The following EXOSC4 variants were observed in gnomAD, a reference collection of about 807,000 sequenced individuals.
EXOSC4 encodes exosome component 4.
EXOSC4 carries 14 observed loss-of-function variants against 20.0 expected under a neutral mutation model. That is an observed-to-expected ratio of 0.70 (90% CI 0.46 to 1.09). The LOEUF (loss-of-function observed/expected upper bound fraction) is 1.09. Ranked by LOEUF, EXOSC4 falls within the 50% of genes least tolerant of loss-of-function variation. The probability of loss-of-function intolerance (pLI) is 0.00; values close to 1 mark genes in which losing one functional copy is unlikely to be tolerated. For synonymous variants in EXOSC4, 148 were observed against 146.4 expected (o/e 1.01, Z -0.08); for missense variants, 337 against 334.0 (o/e 1.01, Z -0.07).
the EXOSC4 span, among the ~76,000 whole-genome samples, chr8:144,065,773 GGAGTA>G: frequency 7.1e-3 from 1,076 of 151,474 alleles, 11 homozygotes; most frequent in Middle Eastern, 0.01. Context: ...GGAAGAAAAT[GGAGTA>G]GAGTATTTTT....
the EXOSC4 span, among the ~76,000 whole-genome samples, chr8:144,071,034 A>G: frequency 2.6e-5 from 4 of 152,046 alleles, no homozygotes; most frequent in South Asian, 8.3e-4. Flanking sequence ...TGGGGCAAAC[A>G]GACACATGGA....
chr8:144,079,704 T>C (rs1564302139), intron 1 of EXOSC4: 1 of 680,528 alleles, frequency 1.5e-6, no homozygotes, highest in Non-Finnish European at 2.7e-6. Flanking sequence ...GCAGCGTTGA[T>C]GTTTGTAAAC....
rs1217506792 is a variant in EXOSC4 at position 144,080,552 on chromosome 8, G to A, written c.689G>A (p.Arg230Gln). 5.0e-6 allele frequency: 8 copies of A among 1,600,738 alleles called. No individual in the cohort carries two copies. The highest frequency in any genetic ancestry group is 2.2e-5 in the South Asian group (2 of 91,072). The change falls in exon 3 of 3, where the codon CGA becomes CAA. Residue 230 changes from arginine (R) to glutamine (Q), a missense_variant. By Grantham distance (43) the Arg-to-Gln change is conservative (BLOSUM62 1). Coordinates refer to ENST00000316052, the MANE Select transcript of EXOSC4 (RefSeq NM_019037.3). This position sits in a 1 kb window ranked among gnomAD's most constrained non-coding sequence, Gnocchi z 4.9. ...AARDVHTLLD[R>Q]VVRQHVREAS... ...CGAGATGTGCACACCCTCTTAGATC[G>A]AGTGGTCCGGCAGCATGTGCGTGAG...
chr8:144,077,727 ATGT>A (rs1316164893), upstream of EXOSC4, among the ~76,000 whole-genome samples: 3 of 152,258 alleles, frequency 2.0e-5, no homozygotes, highest in African/African-American at 4.8e-5. Flanking sequence ...TACCATGCAC[ATGT>A]TGTCCACCTT....
At chr8:144,069,635 G>A in the EXOSC4 span, among the ~76,000 whole-genome samples, 2 of 152,366 alleles carry the variant, frequency 1.3e-5, no homozygotes, top group East Asian at 1.9e-4. Context: ...CATCTGCAAA[G>A]TCTTTTTTGC....
upstream of EXOSC4, among the ~76,000 whole-genome samples, chr8:144,077,255 C>CA (rs1474587301): frequency 1.3e-5 from 2 of 151,974 alleles, no homozygotes; most frequent in Admixed American, 6.6e-5. Context: ...AAAAACAAAA[C>CA]AAAACAAAGA....
upstream of EXOSC4, among the ~76,000 whole-genome samples, chr8:144,073,947 C>A (rs1184515610): frequency 6.6e-6 from 1 of 152,196 alleles, no homozygotes; most frequent in Admixed American, 6.5e-5. Flanking sequence ...CCTTGTCAGC[C>A]CAACGGAATA....
chr8:144,066,878 G>A, the EXOSC4 span, among the ~76,000 whole-genome samples: 3 of 151,972 alleles, frequency 2.0e-5, no homozygotes, highest in East Asian at 2.0e-4. Flanking sequence ...ACCTGAGGTC[G>A]GGAGTTTGAG....
At chr8:144,076,422 G>A (rs1340431330), upstream of EXOSC4, among the ~76,000 whole-genome samples, 29 of 152,088 alleles carry the variant, frequency 1.9e-4, no homozygotes, top group African/African-American at 5.6e-4. Flanking sequence ...TACCTCTCAC[G>A]GCCCCTGAAT....
In EXOSC4 at chr8:144,079,996, A is replaced by G. The variant is rs111633196; in HGVS notation, c.225A>G (p.Gln75=). Residue 75 remains glutamine, a synonymous_variant, in exon 2 of 3, where the codon CAA becomes CAG. Transcript: ENST00000316052. ...CGGACAGGGCCCTAGTGAACTGTCA[A>G]TATAGTTCAGCGACCTTCAGCACAG... ...ALPDRALVNC[Q]YSSATFSTGE... is the part of the protein sequence containing the mutation. 10,663 of 1,614,074 alleles carry G rather than the reference A, an allele frequency of 6.6e-3. 44 individuals carry two copies. Among genetic ancestry groups the G allele is most frequent in the Middle Eastern group, 9.4e-3 (57 of 6,062 alleles).
rs782056134 is a variant in EXOSC4, at chr8:144,079,997, T to A, written c.226T>A (p.Tyr76Asn). The change falls in exon 2 of 3, where the codon TAT becomes AAT. Residue 76 changes from tyrosine (Y) to asparagine (N), a missense_variant. Tyr to Asn is a moderately radical substitution (Grantham distance 143). Transcript: ENST00000316052. ...GGACAGGGCCCTAGTGAACTGTCAA[T>A]ATAGTTCAGCGACCTTCAGCACAGG... ...LPDRALVNCQ[Y>N]SSATFSTGER... 5 of 1,613,914 alleles carry A rather than the reference T, an allele frequency of 3.1e-6. 1 individual carries two copies. The African/African-American group carries it at 4.0e-5, about 13-fold the overall frequency.
In EXOSC4 at chr8:144,080,049, ACCG is replaced by A. The variant is rs1554763257; in HGVS notation, c.279_281del (p.Arg94del). 1.2e-5 allele frequency: 20 copies of A among 1,614,052 alleles called. No individual in the cohort carries two copies. The highest frequency in any genetic ancestry group is 1.7e-5 in the Non-Finnish European group (20 of 1,180,016). On this transcript the variant is annotated inframe_deletion, in exon 2 of 3. Transcript: ENST00000316052. The surrounding 1 kb of genome is among the most constrained non-coding windows in gnomAD (Gnocchi z 4.9). ...GAGCGCAAGCGACGGCCACATGGGG[ACCG>A]TAAGTCCTGTGAGATGGGCCTGCAG...
the EXOSC4 span, among the ~76,000 whole-genome samples, chr8:144,064,263 G>A: frequency 1.3e-5 from 2 of 152,222 alleles, no homozygotes; most frequent in African/African-American, 4.8e-5. Context: ...TGGGATGCAG[G>A]CTTCCGCACC....
upstream of EXOSC4, among the ~76,000 whole-genome samples, chr8:144,074,151 A>G (rs1460240994): frequency 2.0e-5 from 3 of 152,190 alleles, no homozygotes; most frequent in Admixed American, 6.5e-5. Flanking sequence ...GGGCCCCAAC[A>G]AAGTATTTAC....
the EXOSC4 span, among the ~76,000 whole-genome samples, chr8:144,073,364 C>T: frequency 2.0e-5 from 3 of 151,846 alleles, no homozygotes; most frequent in African/African-American, 4.8e-5. Flanking sequence ...CCAGCCTGGG[C>T]GACAGAATGA....
Position 144,080,148 on chromosome 8 carries a change from A to T in EXOSC4, c.377A>T (p.Gln126Leu), listed in dbSNP as rs782214487. Reference sequence around the variant, plus strand: ...CGCTCCCAGATTGATATCTATGTGCAGGTGAGCCAGCTGCAGCCGTCAATC... The same window carrying T: ...CGCTCCCAGATTGATATCTATGTGCTGGTGAGCCAGCTGCAGCCGTCAATC... The part of the protein sequence containing the change: ...HPRSQIDIYV[Q>L]VLQADGGTYA... Residue 126 changes from glutamine to leucine, a missense_variant and splice_region_variant, in exon 2 of 3, where the codon CAG becomes CTG. Physicochemically the swap from Gln to Leu is moderately radical, Grantham distance 113. Coordinates refer to ENST00000316052, the MANE Select transcript of EXOSC4 (RefSeq NM_019037.3). The surrounding 1 kb of genome is among the most constrained non-coding windows in gnomAD (Gnocchi z 4.9). The T allele has an allele frequency of 1.2e-6, 2 of 1,609,836 alleles. No homozygotes were observed. Among genetic ancestry groups the T allele is most frequent in the Non-Finnish European group, 1.7e-6 (2 of 1,176,610 alleles).
chr8:144,066,436 CTTTTTTTT>C, the EXOSC4 span, among the ~76,000 whole-genome samples: 4 of 98,062 alleles, frequency 4.1e-5, no homozygotes, highest in Middle Eastern at 9.1e-3. Flanking sequence ...GAGTTTTTCT[CTTTTTTTT>C]TTTTTTTTTT....
At position 144,080,454 on chromosome 8, in the gene EXOSC4, G is replaced by A. The variant is rs201609181; in HGVS notation, c.591G>A (p.Ala197=). The change falls in exon 3 of 3, where the codon GCG becomes GCA. Residue 197 remains alanine, a synonymous_variant. Coordinates refer to ENST00000316052, the MANE Select transcript of EXOSC4 (RefSeq NM_019037.3). This position sits in a 1 kb window ranked among gnomAD's most constrained non-coding sequence, Gnocchi z 4.9. ...TGCTGCCAGCCTCAGGACAGATTGCGCTGCTTGAGATGGATGCCCGGCTGC... is the reference window on the plus strand; with the variant it reads ...TGCTGCCAGCCTCAGGACAGATTGCACTGCTTGAGATGGATGCCCGGCTGC... ...LALLPASGQI[A]LLEMDARLHE... is the part of the protein sequence containing the mutation. The A allele has an allele frequency of 6.2e-6, 10 of 1,609,440 alleles. No homozygotes were observed. The Admixed American group carries it at 6.7e-5, about 11-fold the overall frequency.
Position 144,079,102 on chromosome 8 carries a change from C to T in EXOSC4, c.171+203C>T, listed in dbSNP as rs116857678. ...TCCTGCCTTTCTCATCGGCCTCTGT[C>T]CCTGCGCCCTCCTTCCTCTTTGCGG... On this transcript the variant is annotated intron_variant, in intron 1 of 2. Transcript: ENST00000316052. The T allele has an allele frequency of 2.0e-3, 1,040 of 511,578 alleles. 5 individuals are homozygous for T. The highest frequency in any genetic ancestry group is 0.011 in the African/African-American group (570 of 50,072). The allele number at this position is 511,578 out of a possible 1,614,324, so 31.7% of individuals were successfully genotyped here.
Sources: gnomAD v4.1 joint callset for allele counts (sites outside exome capture counted in the v4.1 genomes callset) on GRCh38, gnomAD v4.1.1 for gene constraint, Gnocchi (gnomAD v3.1) non-coding constraint, MANE v1.5 for transcripts, NCBI Gene and HGNC (gene_info 2026-07-23, HGNC 2026-07-21) for gene names.